The following XIRP2 variants were observed in gnomAD, a reference collection of about 807,000 sequenced individuals.
The protein encoded by XIRP2 is xin actin-binding repeat-containing protein 2.
Under a neutral mutation model 277.0 loss-of-function variants are expected in XIRP2, and 236 were observed. The ratio of observed to expected loss-of-function variants is 0.85; its 90% CI spans 0.77 to 0.95. The LOEUF is 0.95. Among genes scored for constraint, XIRP2 ranks in the 40% least tolerant of loss-of-function variants. The probability of loss-of-function intolerance (pLI) is 0.00; values close to 1 mark genes in which losing one functional copy is unlikely to be tolerated. For missense variants in XIRP2, 4,640 were observed against 4,157.5 expected (o/e 1.12, Z -3.19); for synonymous variants, 1,490 against 1,416.5 (o/e 1.05, Z -1.17).
chr2:167,140,528 G>A lies in XIRP2; in HGVS notation c.562+4466G>A, dbSNP rs919457650. 8.5e-5 allele frequency among the ~76,000 whole-genome samples: 13 copies of A among 152,214 alleles called. No homozygotes were observed. In the South Asian group the frequency reaches 1.0e-3, roughly 12 times the overall value. The stretch of plus-strand genomic sequence containing the variant: ...CTCTGCCTGAACTGTCCCCTCTAAC[G>A]AGACTCAGAGGACAGGCTTTTATAA... On this transcript the variant is annotated intron_variant, in intron 3 of 10. Coordinates refer to ENST00000409195, the MANE Select transcript of XIRP2 (RefSeq NM_152381.6).
At chr2:166,927,337 ATTTAT>A (rs1448010290) in intron 2 of XIRP2, among the ~76,000 whole-genome samples, 1 of 152,126 alleles carries the variant, frequency 6.6e-6, no homozygotes, top group Non-Finnish European at 1.5e-5. Flanking sequence ...AACAATACAA[ATTTAT>A]TATCTTACGC....
chr2:166,892,561 G>A (rs1212302397), intron 1 of XIRP2, among the ~76,000 whole-genome samples: 1 of 152,032 alleles, frequency 6.6e-6, no homozygotes, highest in Non-Finnish European at 1.5e-5. Context: ...GTAAAACAAG[G>A]TTAAACACCC....
chr2:167,011,227 T>C (rs1331233911), intron 2 of XIRP2, among the ~76,000 whole-genome samples: 4 of 151,522 alleles, frequency 2.6e-5, no homozygotes, highest in Non-Finnish European at 5.9e-5. Flanking sequence ...ATAGCTCTTA[T>C]TATTTTGAGA....
At chr2:167,079,652 T>TC (rs1357888377) in intron 2 of XIRP2, among the ~76,000 whole-genome samples, 1 of 152,016 alleles carries the variant, frequency 6.6e-6, no homozygotes, top group African/African-American at 2.4e-5. Flanking sequence ...TCTCTGAGGA[T>TC]CTTTTTTATT....
intron 9 of XIRP2, 39 bp from the exon 10 acceptor site, chr2:167,253,993 G>A (rs375316087): frequency 6.5e-7 from 1 of 1,530,340 alleles, no homozygotes; most frequent in Non-Finnish European, 8.8e-7. Flanking sequence ...TATGATTGAA[G>A]ATAACACTAC....
intron 2 of XIRP2, among the ~76,000 whole-genome samples, chr2:167,099,308 G>A (rs1299206896): frequency 6.6e-6 from 1 of 152,148 alleles, no homozygotes; most frequent in Admixed American, 6.5e-5. Context: ...TACTCTGTGA[G>A]GGGAAAACTG....
At chr2:167,127,699 T>A (rs949736853) in intron 2 of XIRP2, among the ~76,000 whole-genome samples, 23 of 152,222 alleles carry the variant, frequency 1.5e-4, no homozygotes, top group Non-Finnish European at 4.4e-5. Flanking sequence ...CACCTGGATG[T>A]CTTCAGGGGA....
rs371935411 is a variant in XIRP2 at position 167,251,059 on chromosome 2, C to T, written c.9667C>T (p.Arg3223Cys). 4.8e-5 allele frequency: 77 copies of T among 1,613,574 alleles called. No individual in the cohort carries two copies. The highest frequency in any genetic ancestry group is 6.4e-5 in the Non-Finnish European group (75 of 1,179,726). Residue 3223 changes from arginine (R) to cysteine (C), a missense_variant, in exon 9 of 11, where the codon CGT (arginine) becomes TGT (cysteine). Transcript: ENST00000409195. ...CATCATGTCTCCTGCAACACTTCGT[C>T]GTCAAATTAAGATAGAAACTCGTGG... ...EIIMSPATLR[R>C]QIKIETRGRD... is the part of the protein sequence containing the mutation.
At chr2:167,089,055 G>A (rs147656629) in intron 2 of XIRP2, among the ~76,000 whole-genome samples, 1 of 152,248 alleles carries the variant, frequency 6.6e-6, no homozygotes, top group Non-Finnish European at 1.5e-5. Context: ...TAGTGGAATA[G>A]TTACCCTGCT....
chr2:167,123,772 T>A (rs1003469318), intron 2 of XIRP2: 6 of 152,190 alleles, frequency 3.9e-5, no homozygotes, highest in African/African-American at 1.4e-4. Context: ...CTAGTCAGAC[T>A]GGCCATCCTA....
intron 2 of XIRP2, among the ~76,000 whole-genome samples, chr2:167,083,460 G>GT (rs1239226694): frequency 1.3e-5 from 2 of 152,206 alleles, no homozygotes; most frequent in Non-Finnish European, 2.9e-5. Flanking sequence ...CATTATAGTA[G>GT]TTTTTTCCAA....
chr2:166,974,794 A>G (rs1686668409), intron 2 of XIRP2, among the ~76,000 whole-genome samples: 1 of 152,066 alleles, frequency 6.6e-6, no homozygotes, highest in Non-Finnish European at 1.5e-5. Flanking sequence ...AAGCATATCA[A>G]TGAGAATGTC....
intron 2 of XIRP2, among the ~76,000 whole-genome samples, chr2:167,021,307 A>G (rs547554911): frequency 3.3e-5 from 5 of 152,086 alleles, no homozygotes; most frequent in Non-Finnish European, 7.4e-5. Context: ...TCCTTTGTCA[A>G]TAACTTCTAC....
chr2:166,962,240 T>C (rs1215374018), intron 2 of XIRP2, among the ~76,000 whole-genome samples: 5 of 151,726 alleles, frequency 3.3e-5, no homozygotes, highest in Admixed American at 6.6e-5. Flanking sequence ...ACTATTTCTT[T>C]GGAATAGTCA....
chr2:167,093,325 G>A (rs1040902700), intron 2 of XIRP2, among the ~76,000 whole-genome samples: 1 of 151,338 alleles, frequency 6.6e-6, no homozygotes, highest in African/African-American at 2.4e-5. Flanking sequence ...TTTTGTTTTT[G>A]TTTTTATTAT....
chr2:167,084,092 C>G (rs563969382), intron 2 of XIRP2, among the ~76,000 whole-genome samples: 2 of 152,122 alleles, frequency 1.3e-5, no homozygotes, highest in Admixed American at 6.5e-5. Context: ...ATAGATAGAT[C>G]TTATTATTTT....
intron 5 of XIRP2, among the ~76,000 whole-genome samples, chr2:167,234,655 A>G (rs757622994): frequency 6.6e-6 from 1 of 151,840 alleles, no homozygotes; most frequent in Non-Finnish European, 1.5e-5. Flanking sequence ...TCCAACTAGC[A>G]TACTCTCATA....
In XIRP2 at chr2:167,249,334, G is replaced by A. The variant is rs750992674; in HGVS notation, c.7942G>A (p.Ala2648Thr). 1.2e-6 allele frequency: 2 copies of A among 1,613,600 alleles called. No individual in the cohort carries two copies. Among genetic ancestry groups the A allele is most frequent in the Admixed American group, 3.3e-5 (2 of 59,938 alleles). The change falls in exon 9 of 11, where the codon GCT (alanine) becomes ACT (threonine). Residue 2648 changes from alanine (A) to threonine (T), a missense_variant. Physicochemically the swap from Ala to Thr is moderately conservative, Grantham distance 58 (BLOSUM62 0). Transcript: ENST00000409195. ...CAAGAGGCTCCACCATGTTTTAGCA[G>A]CTTCAGAAGACAAAGATAAGATGAA... ...AAKRLHHVLA[A>T]SEDKDKMKKE...
rs956954857 is a variant in XIRP2 at position 167,011,706 on chromosome 2, C to G, written c.408+107816C>G. Reference sequence around the variant, plus strand: ...GGCTGTGAGTCCATCTGGTCCTGGACTCTTTTTGGTTGGTAAGCTATTGAT... The same window carrying G: ...GGCTGTGAGTCCATCTGGTCCTGGAGTCTTTTTGGTTGGTAAGCTATTGAT... On this transcript the variant is annotated intron_variant, in intron 2 of 10. Transcript: ENST00000409195. Among the ~76,000 whole-genome samples, 218 of 151,352 alleles carry G rather than the reference C, an allele frequency of 1.4e-3. 1 individual carries two copies. Among genetic ancestry groups the G allele is most frequent in the African/African-American group, 3.6e-3 (149 of 41,228 alleles).
Sources: allele counts gnomAD v4.1 joint callset (sites outside exome capture counted in the v4.1 genomes callset), GRCh38; gene constraint gnomAD v4.1.1; transcripts MANE v1.5; gene names NCBI Gene and HGNC (gene_info 2026-07-23, HGNC 2026-07-21).